The following ANKFN1 variants were observed in gnomAD, a reference collection of about 807,000 sequenced individuals.
ANKFN1 encodes ankyrin repeat and fibronectin type-III domain-containing protein 1.
A neutral mutation model predicts 108.7 loss-of-function variants in ANKFN1; 74 were observed. The observed-to-expected ratio is 0.68, with a 90% CI of 0.56 to 0.83. ANKFN1 has a LOEUF of 0.83. ANKFN1 is among the 40% of genes least tolerant of loss of function. The pLI is 0.00. For synonymous variants in ANKFN1, 547 were observed against 516.2 expected (o/e 1.06, Z -0.81); for missense variants, 1,505 against 1,382.3 (o/e 1.09, Z -1.41).
intron 3 of ANKFN1, among the ~76,000 whole-genome samples, chr17:56,285,724 T>C (rs1421295699): frequency 1.3e-5 from 2 of 152,126 alleles, no homozygotes; most frequent in East Asian, 3.9e-4. Context: ...TTCCTCCCAA[T>C]AGTCCTCTTC....
chr17:56,336,325 T>C (rs1312844849), intron 4 of ANKFN1, among the ~76,000 whole-genome samples: 1 of 152,214 alleles, frequency 6.6e-6, no homozygotes, highest in African/African-American at 2.4e-5. Flanking sequence ...CTGGTAGAAT[T>C]CGGCTGGGAA....
intron 8 of ANKFN1, among the ~76,000 whole-genome samples, chr17:56,434,378 CAAAAAA>C (rs58017155): frequency 4.7e-5 from 6 of 127,392 alleles, no homozygotes; most frequent in South Asian, 2.5e-4. Context: ...TTTCTAGTGT[CAAAAAA>C]AAAAAAAAAA....
chr17:56,298,234 C>CA (rs2044570309), intron 3 of ANKFN1, among the ~76,000 whole-genome samples: 1 of 152,100 alleles, frequency 6.6e-6, no homozygotes, highest in Admixed American at 6.5e-5. Flanking sequence ...GAAAATGCAC[C>CA]AAAAGATATA....
intron 3 of ANKFN1, among the ~76,000 whole-genome samples, chr17:56,315,528 G>T (rs966156884): frequency 1.3e-5 from 2 of 152,172 alleles, no homozygotes; most frequent in Admixed American, 1.3e-4. Context: ...GCAAAATCTT[G>T]TACTTTTCTC....
intron 7 of ANKFN1, among the ~76,000 whole-genome samples, chr17:56,373,984 A>C (rs575554434): frequency 6.6e-5 from 10 of 152,302 alleles, no homozygotes; most frequent in African/African-American, 2.2e-4. Context: ...TCCACCCATA[A>C]ATTTTTTTCT....
intron 8 of ANKFN1, among the ~76,000 whole-genome samples, chr17:56,438,649 C>T (rs9890228): frequency 0.074 from 11,189 of 152,026 alleles, 1,367 homozygotes; most frequent in African/African-American, 0.26. Context: ...AATCTTGAAC[C>T]CCCGGGCTTA....
intron 8 of ANKFN1, among the ~76,000 whole-genome samples, chr17:56,415,395 A>G (rs2048215022): frequency 1.3e-5 from 2 of 152,238 alleles, no homozygotes; most frequent in Admixed American, 1.3e-4. Flanking sequence ...AACGTACAAA[A>G]ATCAGTAGCA....
At chr17:56,228,880 G>T (rs1284304241) in intron 3 of ANKFN1, among the ~76,000 whole-genome samples, 1 of 152,044 alleles carries the variant, frequency 6.6e-6, no homozygotes, top group Non-Finnish European at 1.5e-5. Flanking sequence ...AGTCACTGAA[G>T]CATTTAATTA....
intron 6 of ANKFN1, among the ~76,000 whole-genome samples, chr17:56,357,067 C>G (rs1052710274): frequency 2.0e-5 from 3 of 152,152 alleles, no homozygotes; most frequent in Non-Finnish European, 4.4e-5. Context: ...CCTCCTCATT[C>G]TCTCTGGGAT....
intron 4 of ANKFN1, among the ~76,000 whole-genome samples, chr17:56,075,640 A>G (rs966594600): frequency 1.3e-5 from 2 of 152,178 alleles, no homozygotes; most frequent in Non-Finnish European, 2.9e-5. Flanking sequence ...ATTTATATGT[A>G]TAGCTGTCAG....
At chr17:56,234,813 T>C (rs1916995205) in intron 3 of ANKFN1, among the ~76,000 whole-genome samples, 1 of 152,174 alleles carries the variant, frequency 6.6e-6, no homozygotes, top group South Asian at 2.1e-4. Flanking sequence ...CAATGAACAT[T>C]CACATACATG....
intron 8 of ANKFN1, among the ~76,000 whole-genome samples, chr17:56,378,258 T>G (rs1432011140): frequency 6.6e-6 from 1 of 152,102 alleles, no homozygotes; most frequent in Admixed American, 6.6e-5. Flanking sequence ...CATTTCAGCT[T>G]CTAAGAAGGA....
intron 1 of ANKFN1, among the ~76,000 whole-genome samples, chr17:56,189,679 A>C (rs1005470532): frequency 3.3e-5 from 5 of 152,112 alleles, no homozygotes; most frequent in African/African-American, 1.2e-4. Flanking sequence ...CAAAAACACT[A>C]TCTGCAAAGT....
At chr17:56,267,479 C>T (rs1191552809) in intron 3 of ANKFN1, among the ~76,000 whole-genome samples, 1 of 152,184 alleles carries the variant, frequency 6.6e-6, no homozygotes, top group Non-Finnish European at 1.5e-5. Flanking sequence ...ATCATGAACT[C>T]ATTGACAGGG....
chr17:56,448,978 A>C, intron 10 of ANKFN1, 101 bp from the exon 11 acceptor site: 1 of 905,236 alleles, frequency 1.1e-6, no homozygotes, highest in Non-Finnish European at 1.8e-6. Context: ...ATCCGCAGAG[A>C]CTGTGGGTAG....
chr17:56,412,443 G>A lies in ANKFN1; in HGVS notation c.911-27884G>A, dbSNP rs191853860. Among the ~76,000 whole-genome samples the A allele has an allele frequency of 1.3e-4, 20 of 152,270 alleles. No individual in the cohort carries two copies. The East Asian group carries it at 3.9e-3, about 29-fold the overall frequency. On this transcript the variant is annotated intron_variant, in intron 8 of 20. Coordinates refer to ENST00000682825, the MANE Select transcript of ANKFN1 (RefSeq NM_001370326.1). ...TGTCTGTGAGGGTGTTGCCAAAGGA[G>A]ATTGACATTTGAGTCAGTGGACTGG...
At chr17:56,327,940 A>T (rs571745361) in intron 4 of ANKFN1, among the ~76,000 whole-genome samples, 1 of 152,180 alleles carries the variant, frequency 6.6e-6, no homozygotes, top group South Asian at 2.1e-4. Context: ...GGATGAGGGG[A>T]TACATGTCCC....
intron 18 of ANKFN1, among the ~76,000 whole-genome samples, chr17:56,482,873 ACT>A (rs1346815111): frequency 1.3e-5 from 2 of 149,346 alleles, no homozygotes; most frequent in African/African-American, 4.9e-5. Flanking sequence ...TCTCTCTCTC[ACT>A]CTCTTTTTCC....
chr17:56,149,119 A>T (rs1242302272), upstream of ANKFN1, among the ~76,000 whole-genome samples: 1 of 151,990 alleles, frequency 6.6e-6, no homozygotes, highest in African/African-American at 2.4e-5. Flanking sequence ...CTGTACATGG[A>T]GGCAGTGGCG....
Sources: gnomAD v4.1 joint callset for allele counts (sites outside exome capture counted in the v4.1 genomes callset) on GRCh38, gnomAD v4.1.1 for gene constraint, MANE v1.5 for transcripts, NCBI Gene and HGNC (gene_info 2026-07-23, HGNC 2026-07-21) for gene names.